RFC1: variants seen among roughly 807,000 people sequenced by gnomAD.
RFC1 encodes A1 140 kDa subunit.
RFC1 carries 37 observed loss-of-function variants against 137.4 expected under a neutral mutation model. The ratio of observed to expected loss-of-function variants is 0.27; its 90% confidence interval spans 0.21 to 0.35. The LOEUF (loss-of-function observed/expected upper bound fraction) is 0.35, where lower values mean the gene tolerates loss of function less well. Ranked by LOEUF, RFC1 falls within the 10% of genes least tolerant of loss-of-function variation. The probability of loss-of-function intolerance (pLI) is 1.00; values close to 1 mark genes in which losing one functional copy is unlikely to be tolerated. For missense variants in RFC1, 1,205 were observed against 1,358.5 expected, an observed-to-expected ratio of 0.89 and a Z score of 1.78; for synonymous variants, 429 against 455.7, an observed-to-expected ratio of 0.94 and a Z score of 0.75.
At chr4:39,323,308 T>C in intron 7 of RFC1, 32 bp downstream of exon 7, 2 of 1,591,750 alleles carry the variant, frequency 1.3e-6, no homozygotes. Flanking sequence ...GTACTGTATA[T>C]TCAGAACGCA....
chr4:39,342,008 GATT>G (rs1740624923), intron 4 of RFC1, among the ~76,000 whole-genome samples: 1 of 152,122 alleles, frequency 6.6e-6, no homozygotes, highest in South Asian at 2.1e-4. Context: ...TCTACACTTA[GATT>G]ATTGACTTTG....
chr4:39,338,661 A>C (rs935584265), intron 4 of RFC1, among the ~76,000 whole-genome samples: 2 of 152,232 alleles, frequency 1.3e-5, no homozygotes, highest in Non-Finnish European at 2.9e-5. Flanking sequence ...ATATATCTAA[A>C]GTATACAACA....
At chr4:39,346,536 A>G (rs1354466040) in intron 2 of RFC1, among the ~76,000 whole-genome samples, 1 of 152,156 alleles carries the variant, frequency 6.6e-6, no homozygotes, top group East Asian at 1.9e-4. Flanking sequence ...TATATTTTGT[A>G]GTTAAACATC....
At chr4:39,362,567 G>A (rs1429748287) in intron 1 of RFC1, among the ~76,000 whole-genome samples, 2 of 152,140 alleles carry the variant, frequency 1.3e-5, no homozygotes, top group African/African-American at 4.8e-5. Flanking sequence ...AATGGTTCTG[G>A]GACAACTAGA....
rs547778743 is a variant in RFC1, at chr4:39,344,323, T to C, written c.208+1078A>G. Among the ~76,000 whole-genome samples the C allele has an allele frequency of 1.9e-4, 29 of 152,304 alleles. 1 individual carries two copies. The East Asian group carries it at 5.0e-3, about 26-fold the overall frequency. On this transcript the variant is annotated intron_variant, in intron 3 of 24. Coordinates refer to ENST00000349703, the MANE Select transcript of RFC1 (RefSeq NM_002913.5). Reference sequence around the variant, plus strand: ...AAGCCTTTAAATTGTGTTTATTCCTTTTTAAATGCAACCCAAAAAAGCCAG... The same window carrying C: ...AAGCCTTTAAATTGTGTTTATTCCTCTTTAAATGCAACCCAAAAAAGCCAG...
intron 4 of RFC1, among the ~76,000 whole-genome samples, chr4:39,337,123 C>T (rs964969513): frequency 2.6e-5 from 4 of 152,034 alleles, no homozygotes; most frequent in African/African-American, 9.7e-5. Flanking sequence ...GCCTATAATC[C>T]CAGCACTTTG....
intron 12 of RFC1, among the ~76,000 whole-genome samples, chr4:39,309,952 A>G (rs146731428): frequency 1.1e-3 from 169 of 152,316 alleles, no homozygotes; most frequent in African/African-American, 3.9e-3. Flanking sequence ...ATCGATTACA[A>G]AGGAAAAAAT....
chr4:39,295,617 A>T lies in RFC1; in HGVS notation c.2951T>A (p.Leu984His). The T allele has an allele frequency of 6.2e-7, 1 of 1,606,548 alleles. No individual in the cohort carries two copies. Among genetic ancestry groups the T allele is most frequent in the Non-Finnish European group, 8.5e-7 (1 of 1,175,938 alleles). Reference protein sequence around the residue: ...IVQDLALHMSLRTYSSKRTVN... With the variant: ...IVQDLALHMSHRTYSSKRTVN... The stretch of plus-strand genomic sequence containing the variant: ...GAAACAGAGTAATCCCACCTACCTG[A>T]GACTCATATGCAAGGCCAGGTCCTG... Residue 984 changes from leucine (L) to histidine (H), a missense_variant, in exon 22 of 25, where the codon CTC (leucine) becomes CAC (histidine). Coordinates refer to ENST00000349703, the MANE Select transcript of RFC1 (RefSeq NM_002913.5).
rs886278200 is a variant in RFC1 at position 39,288,797 on chromosome 4, C to T, written c.3408G>A (p.Glu1136=). The change falls in exon 25 of 25, where the codon GAG becomes GAA. Residue 1136 remains glutamate, a synonymous_variant. Transcript: ENST00000349703. ...AACTTTTTCCTTTTCCTTTTCTGGG[C>T]TCCTTATCTTTTTCTGGTTTTGAAG... The part of the protein sequence containing the change: ...SKPSKPEKDK[E]PRKGKGKSSK... The T allele has an allele frequency of 1.9e-6, 3 of 1,612,134 alleles. No individual in the cohort carries two copies. The highest frequency in any genetic ancestry group is 3.3e-5 in the Admixed American group (2 of 59,764).
intron 4 of RFC1, among the ~76,000 whole-genome samples, chr4:39,332,759 C>T (rs903417725): frequency 5.9e-5 from 9 of 152,180 alleles, no homozygotes; most frequent in Non-Finnish European, 1.2e-4. Flanking sequence ...TCCTTACGTC[C>T]CCTTCTCTAT....
chr4:39,363,815 C>T (rs1741877570), intron 1 of RFC1, among the ~76,000 whole-genome samples: 1 of 150,262 alleles, frequency 6.7e-6, no homozygotes, highest in African/African-American at 2.5e-5. Context: ...TCGCTTAAAC[C>T]TGGTAGGCAG....
rs372738880 is a variant in RFC1, at chr4:39,306,583, C to T, written c.1995+9G>A. The T allele has an allele frequency of 4.0e-5, 60 of 1,503,972 alleles. No homozygotes were observed. Among genetic ancestry groups the T allele is most frequent in the East Asian group, 3.2e-4 (14 of 44,384 alleles). 93.2% of individuals were successfully genotyped at this position (1,503,972 alleles called of 1,614,324 possible). A position where few individuals can be genotyped will look rare whatever the true frequency, so the allele number is the denominator to read the frequency against. On this transcript the variant is annotated intron_variant, in intron 14 of 24. Coordinates refer to ENST00000349703, the MANE Select transcript of RFC1 (RefSeq NM_002913.5). Reference sequence around the variant, plus strand: ...TATCTGTCCGACCACACTGTGACAACGCACCCACCTGACACACCAGGGAAG... The same window carrying T: ...TATCTGTCCGACCACACTGTGACAATGCACCCACCTGACACACCAGGGAAG...
chr4:39,294,876 C>A (rs1052647812), intron 22 of RFC1, among the ~76,000 whole-genome samples: 2 of 151,936 alleles, frequency 1.3e-5, no homozygotes, highest in Non-Finnish European at 2.9e-5. Context: ...CGGTGGCGTG[C>A]GCCTATAATC....
At chr4:39,308,591 T>C (rs1578121669) in intron 13 of RFC1, 45 bp downstream of exon 13, 2 of 1,565,366 alleles carry the variant, frequency 1.3e-6, no homozygotes, top group South Asian at 2.4e-5. Flanking sequence ...AGCAATCACA[T>C]GTTGATATAC....
chr4:39,351,292 A>C, intron 2 of RFC1, 56 bp downstream of exon 2: 1 of 842,140 alleles, frequency 1.2e-6, no homozygotes, highest in Non-Finnish European at 1.7e-6. Context: ...AAAACTTATA[A>C]GAACTGAGTT....
At chr4:39,291,495 T>C (rs1040788163) in intron 23 of RFC1, 144 bp downstream of exon 23, 9 of 637,638 alleles carry the variant, frequency 1.4e-5, no homozygotes, top group Non-Finnish European at 2.5e-5. Context: ...AATAGTATCT[T>C]TGGAAAATAT....
intron 2 of RFC1, among the ~76,000 whole-genome samples, chr4:39,349,906 A>G (rs2109753472): frequency 6.6e-6 from 1 of 152,326 alleles, no homozygotes; most frequent in Middle Eastern, 3.4e-3. Flanking sequence ...TGGGAGGCTG[A>G]GGCAGGAGAA....
intron 19 of RFC1, among the ~76,000 whole-genome samples, chr4:39,301,092 A>AAAAAAAACC (rs1738333094): frequency 6.6e-6 from 1 of 151,932 alleles, no homozygotes. Flanking sequence ...GACTCCGAAA[A>AAAAAAAACC]AAAAAAAACC....
chr4:39,335,969 T>C (rs17334805), intron 4 of RFC1, among the ~76,000 whole-genome samples: 2,244 of 152,310 alleles, frequency 0.015, 52 homozygotes, highest in African/African-American at 0.051. Flanking sequence ...CTCTCACAGT[T>C]TCACAAGTGC....
Sources: allele counts gnomAD v4.1 joint callset (sites outside exome capture counted in the v4.1 genomes callset), GRCh38; gene constraint gnomAD v4.1.1; transcripts MANE v1.5; gene names NCBI Gene and HGNC (gene_info 2026-07-23, HGNC 2026-07-21).